Variants in AJAP1 observed in about 807,000 individuals in gnomAD.
The protein encoded by AJAP1 is adherens junction-associated protein 1.
In AJAP1, 5 loss-of-function variants were observed where a neutral mutation model predicts 35.0. The ratio of observed to expected loss-of-function variants is 0.14; its 90% CI spans 0.07 to 0.30. The LOEUF is 0.30. AJAP1 is among the 10% of genes least tolerant of loss of function. The pLI is 1.00. For synonymous variants in AJAP1, 284 were observed against 249.3 expected (o/e 1.14, Z -1.31); for missense variants, 586 against 571.0 (o/e 1.03, Z -0.27).
chr1:4,727,120 C>T (rs1640681718), intron 2 of AJAP1, among the ~76,000 whole-genome samples: 1 of 152,240 alleles, frequency 6.6e-6, no homozygotes, highest in Non-Finnish European at 1.5e-5. Flanking sequence ...CAGCTCGGAG[C>T]TGGGGCGCAC....
intron 1 of AJAP1, among the ~76,000 whole-genome samples, chr1:4,666,710 CGG>C (rs1639131812): frequency 1.9e-5 from 1 of 52,966 alleles, no homozygotes; most frequent in Non-Finnish European, 3.8e-5. Flanking sequence ...GGGAGGGGTG[CGG>C]AGAGGGGCCT....
intron 2 of AJAP1, among the ~76,000 whole-genome samples, chr1:4,754,175 A>G (rs1285493913): frequency 1.3e-5 from 2 of 152,202 alleles, no homozygotes; most frequent in African/African-American, 4.8e-5. Context: ...AAAAATTAAA[A>G]GGATAACGGT....
intron 2 of AJAP1, among the ~76,000 whole-genome samples, chr1:4,727,189 C>T (rs1021914942): frequency 4.6e-5 from 7 of 152,194 alleles, no homozygotes; most frequent in African/African-American, 7.2e-5. Flanking sequence ...GAGCAGGAGA[C>T]GAACGCTGCA....
chr1:4,765,033 G>C (rs1191734807), intron 2 of AJAP1, among the ~76,000 whole-genome samples: 1 of 152,118 alleles, frequency 6.6e-6, no homozygotes, highest in Non-Finnish European at 1.5e-5. Context: ...CATTATTTTG[G>C]GGATAATTTT....
At chr1:4,735,538 C>T (rs190595126) in intron 2 of AJAP1, among the ~76,000 whole-genome samples, 21 of 152,306 alleles carry the variant, frequency 1.4e-4, no homozygotes, top group Non-Finnish European at 2.6e-4. Flanking sequence ...CCTAAGAGCT[C>T]AGAAAGGTTT....
rs1157062050 is a variant in AJAP1, at chr1:4,655,548, C to A, written c.29+94C>A. 6.9e-7 allele frequency: 1 copy of A among 1,446,672 alleles called. No homozygotes were observed. Among genetic ancestry groups the A allele is most frequent in the Non-Finnish European group, 9.3e-7 (1 of 1,070,480 alleles). 89.6% of individuals were successfully genotyped at this position (1,446,672 alleles called of 1,614,324 possible). ...TCCTCTATGTTGCAAATCAAGGGAC[C>A]CCTCTTCGCTTCCCGCAAGCGGGCA... On this transcript the variant is annotated intron_variant, in intron 1 of 5. Transcript: ENST00000378191. This position sits in a 1 kb window ranked among gnomAD's most constrained non-coding sequence, Gnocchi z 6.9.
intron 2 of AJAP1, among the ~76,000 whole-genome samples, chr1:4,729,036 C>A (rs1261418395): frequency 6.6e-6 from 1 of 152,176 alleles, no homozygotes; most frequent in Non-Finnish European, 1.5e-5. Context: ...CTCACTCCAG[C>A]CCTGGTGAGC....
At chr1:4,751,209 C>T (rs567989180) in intron 2 of AJAP1, among the ~76,000 whole-genome samples, 69 of 152,250 alleles carry the variant, frequency 4.5e-4, no homozygotes, top group African/African-American at 1.5e-3. Flanking sequence ...TGTCTGGACC[C>T]GGCAGAGCCT....
chr1:4,782,565 A>G lies in AJAP1; in HGVS notation c.*80A>G, dbSNP rs1642083430. The G allele has an allele frequency of 5.1e-6, 2 of 392,634 alleles. No individual in the cohort carries two copies. The highest frequency in any genetic ancestry group is 9.0e-6 in the Non-Finnish European group (2 of 222,940). 24.3% of individuals were successfully genotyped at this position (392,634 alleles called of 1,614,324 possible). A position where few individuals can be genotyped will look rare whatever the true frequency, so the allele number is the denominator to read the frequency against. On this transcript the variant is annotated 3_prime_UTR_variant, in exon 6 of 6. Transcript: ENST00000378191. The surrounding 1 kb of genome is among the most constrained non-coding windows in gnomAD (Gnocchi z 5.3). ...CACAGGATTCCGTTGGTGAACCTGT[A>G]AAAACAAAACAAACAAAACAAAACA...
At chr1:4,707,418 T>C (rs562510523) in intron 1 of AJAP1, among the ~76,000 whole-genome samples, 2 of 152,030 alleles carry the variant, frequency 1.3e-5, no homozygotes, top group Admixed American at 6.5e-5. Context: ...CCCTACCCCA[T>C]TACCCCTTCC....
chr1:4,755,873 T>C (rs970841755), intron 2 of AJAP1, among the ~76,000 whole-genome samples: 1 of 152,030 alleles, frequency 6.6e-6, no homozygotes, highest in Non-Finnish European at 1.5e-5. Context: ...GGGTTCTGGC[T>C]GTTAAACCCA....
chr1:4,718,349 T>C (rs1003469456), intron 2 of AJAP1, among the ~76,000 whole-genome samples: 1 of 152,230 alleles, frequency 6.6e-6, no homozygotes, highest in Non-Finnish European at 1.5e-5. Flanking sequence ...TGTTCCTGGC[T>C]TCAACTTATT....
chr1:4,673,138 C>G (rs1011049806), intron 1 of AJAP1, among the ~76,000 whole-genome samples: 4 of 152,190 alleles, frequency 2.6e-5, no homozygotes, highest in Non-Finnish European at 5.9e-5. Context: ...CCAATGCCTT[C>G]ATGTCAGCCC....
intron 1 of AJAP1, among the ~76,000 whole-genome samples, chr1:4,666,905 G>A (rs188488786): frequency 4.8e-5 from 7 of 145,396 alleles, no homozygotes; most frequent in African/African-American, 1.3e-4. Flanking sequence ...GGGTTATGGA[G>A]AGGGACCCGT....
chr1:4,788,057 A>G lies in AJAP1; in HGVS notation c.*5572A>G. On this transcript the variant is annotated 3_prime_UTR_variant, in exon 6 of 6. Transcript: ENST00000378191. ...CAGCCCACATAAATGAGCGAAACTCATCATCTGAGGATCTTTGATTATTCT... is the reference window on the plus strand; with the variant it reads ...CAGCCCACATAAATGAGCGAAACTCGTCATCTGAGGATCTTTGATTATTCT... 3.9e-6 allele frequency: 1 copy of G among 256,472 alleles called. No homozygotes were observed. Among genetic ancestry groups the G allele is most frequent in the South Asian group, 3.7e-5 (1 of 26,842 alleles). The allele number at this position is 256,472 out of a possible 1,614,324, so 15.9% of individuals were successfully genotyped here.
intron 1 of AJAP1, among the ~76,000 whole-genome samples, chr1:4,679,971 C>T (rs1284742623): frequency 6.6e-6 from 1 of 152,144 alleles, no homozygotes; most frequent in Non-Finnish European, 1.5e-5. Flanking sequence ...TCATTTAATA[C>T]TGTAGAACTG....
intron 2 of AJAP1, among the ~76,000 whole-genome samples, chr1:4,715,556 A>C (rs1479977035): frequency 1.3e-5 from 2 of 152,190 alleles, no homozygotes; most frequent in Non-Finnish European, 2.9e-5. Context: ...ATGGTGGCAC[A>C]TGCCTGTAAT....
rs1638870303 is a variant in AJAP1 at position 4,655,890 on chromosome 1, T to TCGCAGGCGGAGTTGGAGGAAAC, written c.29+438_29+459dup. On this transcript the variant is annotated intron_variant, in intron 1 of 5. Transcript: ENST00000378191. The surrounding 1 kb of genome is among the most constrained non-coding windows in gnomAD (Gnocchi z 6.9). Reference sequence around the variant, plus strand: ...AAGCTCCGGGCTCCCAGCGAGAGCTTCGCAGGCGGAGTTGGAGGAAACCAC... The same window carrying TCGCAGGCGGAGTTGGAGGAAAC: ...AAGCTCCGGGCTCCCAGCGAGAGCTTCGCAGGCGGAGTTGGAGGAAACCGCAGGCGGAGTTGGAGGAAACCAC... Among the ~76,000 whole-genome samples the TCGCAGGCGGAGTTGGAGGAAAC allele has an allele frequency of 1.3e-5, 2 of 151,246 alleles. No individual in the cohort carries two copies. The highest frequency in any genetic ancestry group is 1.5e-5 in the Non-Finnish European group (1 of 67,782).
At chr1:4,707,963 G>GTTTTT (rs774086340) in intron 1 of AJAP1, among the ~76,000 whole-genome samples, 3 of 126,158 alleles carry the variant, frequency 2.4e-5, no homozygotes, top group African/African-American at 5.9e-5. Flanking sequence ...TGGGCGGTAC[G>GTTTTT]TTTTTTTTTT....
Sources: gnomAD v4.1 joint callset for allele counts (sites outside exome capture counted in the v4.1 genomes callset) on GRCh38, gnomAD v4.1.1 for gene constraint, Gnocchi (gnomAD v3.1) non-coding constraint, MANE v1.5 for transcripts, NCBI Gene and HGNC (gene_info 2026-07-23, HGNC 2026-07-21) for gene names.